ANKS1B: variants seen among roughly 807,000 people sequenced by gnomAD.
The protein encoded by ANKS1B is ankyrin repeat and sterile alpha motif domain containing 1B.
ANKS1B carries 36 observed loss-of-function variants against 148.3 expected under a neutral mutation model. That is an observed-to-expected ratio of 0.24 (90% CI 0.19 to 0.32). The LOEUF is 0.32. Ranked by LOEUF, ANKS1B falls within the 10% of genes least tolerant of loss-of-function variation. ANKS1B has a pLI of 1.00. For missense variants in ANKS1B, 1,157 were observed against 1,542.6 expected (o/e 0.75, Z 4.19); for synonymous variants, 542 against 560.8 (o/e 0.97, Z 0.47).
intron 17 of ANKS1B, among the ~76,000 whole-genome samples, chr12:98,999,622 G>T (rs7978587): frequency 0.05 from 7,659 of 152,200 alleles, 404 homozygotes; most frequent in African/African-American, 0.12. Context: ...GGTATCAAAA[G>T]AAAAAAGTCA....
intron 1 of ANKS1B, among the ~76,000 whole-genome samples, chr12:99,878,948 T>C (rs1474173829): frequency 6.6e-6 from 1 of 152,168 alleles, no homozygotes; most frequent in Admixed American, 6.6e-5. Flanking sequence ...ATTTTGTTAT[T>C]GTTATTGTTT....
intron 14 of ANKS1B, chr12:99,154,946 C>T: frequency 2.6e-6 from 4 of 1,535,426 alleles, no homozygotes; most frequent in Non-Finnish European, 3.5e-6. Context: ...TGTAAGCCTG[C>T]TGCTGCTGCT....
rs780387667 is a variant in ANKS1B at position 99,773,083 on chromosome 12, T to A, written c.967A>T (p.Thr323Ser). ...ESPSQKTKSETVTGELSKLLD... is the reference protein window; with the variant it reads ...ESPSQKTKSESVTGELSKLLD... Reference sequence around the variant, plus strand: ...AGTTTTGATAATTCTCCAGTGACGGTTTCACCTATGAGAATAATTTTTTCA... The same window carrying A: ...AGTTTTGATAATTCTCCAGTGACGGATTCACCTATGAGAATAATTTTTTCA... Residue 323 changes from threonine to serine, a missense_variant, in exon 8 of 27, where the codon ACC becomes TCC. By Grantham distance (58) the Thr-to-Ser change is moderately conservative. Transcript: ENST00000683438. 2.0e-5 allele frequency: 32 copies of A among 1,602,110 alleles called. No homozygotes were observed. In the Middle Eastern group the frequency reaches 8.4e-4, roughly 42 times the overall value.
At chr12:99,761,019 C>A (rs1278545705) in intron 8 of ANKS1B, among the ~76,000 whole-genome samples, 1 of 103,778 alleles carries the variant, frequency 9.6e-6, no homozygotes, top group African/African-American at 3.8e-5. Context: ...CTGAATAGAC[C>A]AATAATGAAT....
chr12:99,779,821 A>T, intron 6 of ANKS1B, 50 bp downstream of exon 6: 1 of 1,372,426 alleles, frequency 7.3e-7, no homozygotes, highest in Non-Finnish European at 1.0e-6. Flanking sequence ...AACAGTTTTA[A>T]TCTCATCTTA....
intron 14 of ANKS1B, among the ~76,000 whole-genome samples, chr12:99,168,175 T>C (rs1049964431): frequency 3.9e-5 from 6 of 152,188 alleles, no homozygotes; most frequent in African/African-American, 1.4e-4. Context: ...GGGTACACTT[T>C]AAATATATGC....
chr12:99,631,403 G>A (rs1282201104), intron 9 of ANKS1B, among the ~76,000 whole-genome samples: 3 of 152,124 alleles, frequency 2.0e-5, no homozygotes, highest in African/African-American at 7.2e-5. Flanking sequence ...GAAGCTGGAA[G>A]AATTTGGAGG....
chr12:99,855,243 A>T (rs1027768416), intron 1 of ANKS1B, among the ~76,000 whole-genome samples: 11 of 152,180 alleles, frequency 7.2e-5, no homozygotes, highest in African/African-American at 2.7e-4. Context: ...AAAAGTGAAC[A>T]GGAGTAACTA....
At chr12:99,819,252 T>C (rs149354755) in intron 2 of ANKS1B, among the ~76,000 whole-genome samples, 1 of 152,012 alleles carries the variant, frequency 6.6e-6, no homozygotes, top group Non-Finnish European at 1.5e-5. Flanking sequence ...CTTTACATGT[T>C]GAATTCACTC....
intron 8 of ANKS1B, among the ~76,000 whole-genome samples, chr12:99,744,011 C>G (rs2060355913): frequency 6.6e-6 from 1 of 152,182 alleles, no homozygotes; most frequent in Non-Finnish European, 1.5e-5. Flanking sequence ...AGCTGGCACT[C>G]TTTATCCATG....
intron 24 of ANKS1B, among the ~76,000 whole-genome samples, chr12:98,778,005 G>A (rs1461304620): frequency 2.6e-5 from 4 of 152,156 alleles, no homozygotes; most frequent in Non-Finnish European, 4.4e-5. Flanking sequence ...AGTTTTAGTC[G>A]TTCTTCACGA....
At chr12:99,592,428 C>A (rs1396153361) in intron 9 of ANKS1B, among the ~76,000 whole-genome samples, 1 of 151,214 alleles carries the variant, frequency 6.6e-6, no homozygotes, top group East Asian at 1.9e-4. Flanking sequence ...CACTATCCAC[C>A]CCACAACTCA....
intron 8 of ANKS1B, among the ~76,000 whole-genome samples, chr12:99,750,679 CCCTTTAA>C (rs1202629324): frequency 6.6e-6 from 1 of 151,884 alleles, no homozygotes; most frequent in African/African-American, 2.4e-5. Context: ...CAGGCCCATC[CCCTTTAA>C]CCTCCTACCT....
chr12:99,065,544 G>A (rs866781341), intron 16 of ANKS1B, among the ~76,000 whole-genome samples: 2 of 151,810 alleles, frequency 1.3e-5, no homozygotes, highest in Non-Finnish European at 2.9e-5. Context: ...GTATACTCAC[G>A]TTCACTTAGG....
chr12:99,784,717 T>C (rs959872986), intron 4 of ANKS1B, among the ~76,000 whole-genome samples: 1 of 152,212 alleles, frequency 6.6e-6, no homozygotes. Context: ...AATTTCCATT[T>C]CTAACAAATT....
intron 12 of ANKS1B, among the ~76,000 whole-genome samples, chr12:99,322,477 T>TA (rs757165561): frequency 0.034 from 2,223 of 65,550 alleles, 34 homozygotes; most frequent in African/African-American, 0.09. Flanking sequence ...GAACTTAAAG[T>TA]AAAAAAAAAA....
At chr12:99,705,859 C>G (rs998938951) in intron 8 of ANKS1B, among the ~76,000 whole-genome samples, 1 of 151,946 alleles carries the variant, frequency 6.6e-6, no homozygotes, top group African/African-American at 2.4e-5. Flanking sequence ...ACCTGATACA[C>G]ATAAACATGT....
chr12:99,651,835 A>AGAAT (rs1442430681), intron 9 of ANKS1B, among the ~76,000 whole-genome samples: 1 of 151,978 alleles, frequency 6.6e-6, no homozygotes, highest in Non-Finnish European at 1.5e-5. Flanking sequence ...TGAATGGTTG[A>AGAAT]GAATGGTTGA....
intron 1 of ANKS1B, among the ~76,000 whole-genome samples, chr12:99,839,231 T>C (rs1277584525): frequency 6.6e-6 from 1 of 152,104 alleles, no homozygotes. Context: ...ATAATAAGTA[T>C]AGTCAAATTG....
Sources: allele counts gnomAD v4.1 joint callset (sites outside exome capture counted in the v4.1 genomes callset), GRCh38; gene constraint gnomAD v4.1.1; transcripts MANE v1.5; gene names NCBI Gene and HGNC (gene_info 2026-07-23, HGNC 2026-07-21).